The following PLEKHB1 variants were observed in gnomAD, a reference collection of about 807,000 sequenced individuals.
The protein encoded by PLEKHB1 is pleckstrin homology domain-containing family B member 1.
A neutral mutation model predicts 36.2 loss-of-function variants in PLEKHB1; 29 were observed. The ratio of observed to expected loss-of-function variants is 0.80; its 90% CI spans 0.60 to 1.09. The LOEUF (loss-of-function observed/expected upper bound fraction) is 1.09, where lower values mean the gene tolerates loss of function less well. PLEKHB1 is among the 50% of genes least tolerant of loss of function. The probability of loss-of-function intolerance (pLI) is 0.00; values close to 1 mark genes in which losing one functional copy is unlikely to be tolerated. For synonymous variants in PLEKHB1, 138 were observed against 140.0 expected (o/e 0.99, Z 0.10); for missense variants, 330 against 348.2 (o/e 0.95, Z 0.42).
In PLEKHB1 at chr11:73,661,746, C is replaced by T; in HGVS notation, c.*144C>T. On this transcript the variant is annotated 3_prime_UTR_variant, in exon 8 of 8. Transcript: ENST00000354190. This position sits in a 1 kb window ranked among gnomAD's most constrained non-coding sequence, Gnocchi z 4.6. ...CCTTCCGGGTTTGGACCATTCCCCCCACTCCCTACCCTTAATCCCCACATG... is the reference window on the plus strand; with the variant it reads ...CCTTCCGGGTTTGGACCATTCCCCCTACTCCCTACCCTTAATCCCCACATG... 2 of 1,003,886 alleles carry T rather than the reference C, an allele frequency of 2.0e-6. No individual in the cohort carries two copies. The highest frequency in any genetic ancestry group is 1.7e-5 in the South Asian group (1 of 60,244). The allele number at this position is 1,003,886 out of a possible 1,614,324, so 62.2% of individuals were successfully genotyped here.
chr11:73,653,563 C>A, intron 5 of PLEKHB1: 1 of 427,852 alleles, frequency 2.3e-6, no homozygotes. Flanking sequence ...GTAATAACAG[C>A]TCTGACAGAG....
intron 1 of PLEKHB1, 40 bp downstream of exon 1, chr11:73,646,666 G>A: frequency 6.5e-7 from 1 of 1,550,308 alleles, no homozygotes; most frequent in Non-Finnish European, 8.7e-7. Flanking sequence ...AGGGCCCAGG[G>A]CAGGGTGGGC....
At chr11:73,657,030 C>T (rs1437739596) in intron 6 of PLEKHB1, among the ~76,000 whole-genome samples, 1 of 152,136 alleles carries the variant, frequency 6.6e-6, no homozygotes, top group Non-Finnish European at 1.5e-5. Context: ...ATCTCAGATA[C>T]TCAGGAGGCT....
Position 73,661,827 on chromosome 11 carries a change from T to TA in PLEKHB1, c.*226dup. ...CGCTTGAAGTCTTCACATCTACCAC[T>TA]AGACACCCCCAAAATCTGTTATAGA... On this transcript the variant is annotated 3_prime_UTR_variant, in exon 8 of 8. Transcript: ENST00000354190. The surrounding 1 kb of genome is among the most constrained non-coding windows in gnomAD (Gnocchi z 4.6). 1.9e-6 allele frequency: 1 copy of TA among 528,824 alleles called. No homozygotes were observed. The highest frequency in any genetic ancestry group is 3.2e-6 in the Non-Finnish European group (1 of 308,074). The allele number at this position is 528,824 out of a possible 1,614,324, so 32.8% of individuals were successfully genotyped here.
intron 3 of PLEKHB1, 117 bp from the exon 4 acceptor site, chr11:73,651,671 T>C (rs1053690166): frequency 1.3e-6 from 1 of 753,334 alleles, no homozygotes; most frequent in Non-Finnish European, 2.3e-6. Context: ...TCAGAGGAGG[T>C]TGGCAGTGGC....
In PLEKHB1 at chr11:73,661,469, CT is replaced by C. The variant is rs1565335181; in HGVS notation, c.600del (p.Gly201AlafsTer2). 1 of 1,613,744 alleles carries C rather than the reference CT, an allele frequency of 6.2e-7. No homozygotes were observed. Among genetic ancestry groups the C allele is most frequent in the Non-Finnish European group, 8.5e-7 (1 of 1,179,800 alleles). ...CATGGGCTGTCTCCCTCTGCAGGCC[CT>C]GGCGTGACGCACGTGATAGTGCGGG... ...RSYYGPPYAGPGVTHVIVRED... is the reference protein window; with the variant it reads ...RSYYGPPYAGXGVTHVIVRED... On this transcript the variant is annotated frameshift_variant, in exon 8 of 8. Transcript: ENST00000354190. LOFTEE classifies it high-confidence loss of function. The surrounding 1 kb of genome is among the most constrained non-coding windows in gnomAD (Gnocchi z 4.6).
At chr11:73,653,110 A>G in intron 5 of PLEKHB1, 96 bp downstream of exon 5, 1 of 1,293,392 alleles carries the variant, frequency 7.7e-7, no homozygotes, top group South Asian at 1.4e-5. Context: ...AGAAGTTCTC[A>G]GTCTTATGTG....
chr11:73,647,721 G>C (rs1402504554), intron 1 of PLEKHB1: 30 of 985,476 alleles, frequency 3.0e-5, no homozygotes, highest in Non-Finnish European at 3.5e-5. Context: ...AGCAACATCC[G>C]CAACAAGTGT....
chr11:73,649,121 G>A (rs1479733427), intron 2 of PLEKHB1, 34 bp downstream of exon 2: 1 of 1,568,296 alleles, frequency 6.4e-7, no homozygotes, highest in Non-Finnish European at 8.6e-7. Context: ...CCTGGGGCAG[G>A]GTGAAGGAAG....
intron 1 of PLEKHB1, chr11:73,647,801 T>TG: frequency 1.0e-6 from 1 of 980,848 alleles, no homozygotes. Context: ...GTCTGATCTG[T>TG]GTCAAGACCG....
chr11:73,657,309 T>G (rs1945014164), intron 6 of PLEKHB1, among the ~76,000 whole-genome samples: 1 of 152,190 alleles, frequency 6.6e-6, no homozygotes, highest in South Asian at 2.1e-4. Context: ...GGTCTGGGAC[T>G]CCCAGCCCAT....
intron 6 of PLEKHB1, among the ~76,000 whole-genome samples, chr11:73,659,158 G>A (rs1300108850): frequency 6.6e-6 from 1 of 151,684 alleles, no homozygotes; most frequent in East Asian, 1.9e-4. Flanking sequence ...CCCGGGAGGC[G>A]GAGGTTGCAG....
Position 73,661,683 on chromosome 11 carries a change from A to T in PLEKHB1, c.*81A>T. 1 of 1,465,530 alleles carries T rather than the reference A, an allele frequency of 6.8e-7. No homozygotes were observed. The allele number at this position is 1,465,530 out of a possible 1,614,324, so 90.8% of individuals were successfully genotyped here. ...CCTGGACCCCATCCTCTACCATCCA[A>T]GCCCTGTCCCACTTTGGCCCTATCC... On this transcript the variant is annotated 3_prime_UTR_variant, in exon 8 of 8. Transcript: ENST00000354190. The surrounding 1 kb of genome is among the most constrained non-coding windows in gnomAD (Gnocchi z 4.6).
At chr11:73,655,427 T>C (rs1944973598) in intron 5 of PLEKHB1, among the ~76,000 whole-genome samples, 1 of 152,024 alleles carries the variant, frequency 6.6e-6, no homozygotes, top group Non-Finnish European at 1.5e-5. Context: ...CCAGCTTTAC[T>C]GGGAACACAG....
chr11:73,657,773 C>T (rs1473578834), intron 6 of PLEKHB1, among the ~76,000 whole-genome samples: 2 of 152,166 alleles, frequency 1.3e-5, no homozygotes, highest in African/African-American at 2.4e-5. Flanking sequence ...TCCCTCCAAC[C>T]CCTTTTGGGC....
intron 6 of PLEKHB1, among the ~76,000 whole-genome samples, chr11:73,658,121 C>T (rs954489927): frequency 2.0e-5 from 3 of 152,170 alleles, no homozygotes; most frequent in African/African-American, 4.8e-5. Flanking sequence ...ACAGCATGAT[C>T]GGTGCTGTGA....
chr11:73,651,403 T>A, intron 3 of PLEKHB1: 1 of 475,524 alleles, frequency 2.1e-6, no homozygotes. Flanking sequence ...AGTGCCTTTC[T>A]CCTCTGTGCT....
rs4944851 is a variant in PLEKHB1, at chr11:73,661,008, A to G, written c.595+156A>G. On this transcript the variant is annotated intron_variant, in intron 7 of 7. Transcript: ENST00000354190. The surrounding 1 kb of genome is among the most constrained non-coding windows in gnomAD (Gnocchi z 4.6). ...TCCGCAAGCCCCTCTCCATCCTGAGACTGGGAGAGCTCTGGAACCAGCGTT... is the reference window on the plus strand; with the variant it reads ...TCCGCAAGCCCCTCTCCATCCTGAGGCTGGGAGAGCTCTGGAACCAGCGTT... The G allele has an allele frequency of 0.017, 11,676 of 706,898 alleles. 132 individuals carry two copies. Among genetic ancestry groups the G allele is most frequent in the Non-Finnish European group, 0.022 (9,055 of 417,044 alleles). 43.8% of individuals were successfully genotyped at this position (706,898 alleles called of 1,614,324 possible). A position where few individuals can be genotyped will look rare whatever the true frequency, so the allele number is the denominator to read the frequency against.
At chr11:73,659,140 C>T (rs932234441) in intron 6 of PLEKHB1, among the ~76,000 whole-genome samples, 2 of 151,540 alleles carry the variant, frequency 1.3e-5, no homozygotes, top group South Asian at 2.1e-4. Context: ...GCAGGAGAAT[C>T]GCTTGAACCC....
Sources: allele counts gnomAD v4.1 joint callset (sites outside exome capture counted in the v4.1 genomes callset), GRCh38; gene constraint gnomAD v4.1.1; non-coding constraint Gnocchi (gnomAD v3.1); transcripts MANE v1.5; gene names NCBI Gene and HGNC (gene_info 2026-07-23, HGNC 2026-07-21).